ABCC9: variants seen among roughly 807,000 people sequenced by gnomAD.
ABCC9 encodes ATP binding cassette subfamily C member 9, also known as ATP-binding cassette sub-family C member 9.
ABCC9 carries 95 observed loss-of-function variants against 188.3 expected under a neutral mutation model. That is an observed-to-expected ratio of 0.50 (90% confidence interval 0.43 to 0.60). ABCC9 has a LOEUF of 0.60. Ranked by LOEUF, ABCC9 falls within the 20% of genes least tolerant of loss-of-function variation. The pLI is 0.00. For missense variants in ABCC9, 1,102 were observed against 1,876.3 expected, an observed-to-expected ratio of 0.59 and a Z score of 7.62; for synonymous variants, 659 against 652.7, an observed-to-expected ratio of 1.01 and a Z score of -0.15.
chr12:21,923,892 GA>G, intron 5 of ABCC9: 2 of 688,278 alleles, frequency 2.9e-6, no homozygotes, highest in Non-Finnish European at 5.3e-6. Flanking sequence ...ACAAGGGATT[GA>G]AAAAACTATG....
At position 21,887,862 on chromosome 12, in the gene ABCC9, C is replaced by T. The variant is rs727502873; in HGVS notation, c.1875G>A (p.Ser625=). The change falls in exon 15 of 40, where the codon TCG becomes TCA. Residue 625 remains serine, a synonymous_variant. Coordinates refer to ENST00000261200, the MANE Select transcript of ABCC9 (RefSeq NM_020297.4). The stretch of plus-strand genomic sequence containing the variant: ...GCTTCTTACAGGACTCAAAAGGAAG[C>T]GAACTTTCACCAGTTCGCCAACTGT... The part of the protein sequence containing the change: ...GDDSWRTGES[S]LPFESCKKHT... 62 of 1,613,258 alleles carry T rather than the reference C, an allele frequency of 3.8e-5. No individual in the cohort carries two copies. The highest frequency in any genetic ancestry group is 1.6e-4 in the Middle Eastern group (1 of 6,080).
At position 21,926,045 on chromosome 12, in the gene ABCC9, G is replaced by A. The variant is rs1202016561; in HGVS notation, c.303C>T (p.His101=). The A allele has an allele frequency of 5.0e-6, 8 of 1,614,078 alleles. No homozygotes were observed. The highest frequency in any genetic ancestry group is 6.8e-6 in the Non-Finnish European group (8 of 1,179,992). Residue 101 remains histidine, a synonymous_variant, in exon 5 of 40, where the codon CAC becomes CAT. Coordinates refer to ENST00000261200, the MANE Select transcript of ABCC9 (RefSeq NM_020297.4). ...TCACGGCTGGCATAAAGAGGTGGAG[G>A]TGCCTTGATTCCCGCCGCCTAGAAA... ...IVSDSRRESR[H]LHLFMPAVMG... is the part of the protein sequence containing the mutation.
chr12:21,803,680 G>GA (rs1941645252), intron 39 of ABCC9, among the ~76,000 whole-genome samples: 1 of 144,386 alleles, frequency 6.9e-6, no homozygotes, highest in Non-Finnish European at 1.5e-5. Context: ...AAAAAACATT[G>GA]AAAAATCTTG....
At position 21,806,119 on chromosome 12, in the gene ABCC9, C is replaced by T. The variant is rs138893636; in HGVS notation, c.4450-59G>A. Reference sequence around the variant, plus strand: ...ATTACTTTGTCATCATAATATTTTGCCCCAAGAACAATCAATATTCCACTG... The same window carrying T: ...ATTACTTTGTCATCATAATATTTTGTCCCAAGAACAATCAATATTCCACTG... On this transcript the variant is annotated intron_variant, in intron 38 of 39. Transcript: ENST00000261200. 1.5e-4 allele frequency: 228 copies of T among 1,487,760 alleles called. 2 individuals are homozygous for T. In the African/African-American group the frequency reaches 2.9e-3, roughly 19 times the overall value. The allele number at this position is 1,487,760 out of a possible 1,614,324, so 92.2% of individuals were successfully genotyped here. A position where few individuals can be genotyped will look rare whatever the true frequency, so the allele number is the denominator to read the frequency against.
intron 27 of ABCC9, 39 bp from the exon 28 acceptor site, chr12:21,844,591 A>C: frequency 6.3e-7 from 1 of 1,594,574 alleles, no homozygotes; most frequent in Non-Finnish European, 8.6e-7. Flanking sequence ...ATAATACTAA[A>C]CTATTTGGAA....
intron 18 of ABCC9, 123 bp from the exon 19 acceptor site, chr12:21,864,600 T>C (rs1156417786): frequency 1.4e-6 from 1 of 709,302 alleles, no homozygotes; most frequent in East Asian, 2.5e-5. Context: ...TCCCAAATGG[T>C]TTCTGATATT....
At chr12:21,821,450 GA>G (rs1322116238) in intron 31 of ABCC9, among the ~76,000 whole-genome samples, 1 of 151,748 alleles carries the variant, frequency 6.6e-6, no homozygotes, top group African/African-American at 2.4e-5. Context: ...TTAATTGTGG[GA>G]AAAAAACTCA....
At chr12:21,872,542 T>TA in intron 18 of ABCC9, 83 bp downstream of exon 18, 1 of 1,107,712 alleles carries the variant, frequency 9.0e-7, no homozygotes, top group Non-Finnish European at 1.4e-6. Context: ...TCAGAACATG[T>TA]AAATGTATTT....
intron 3 of ABCC9, among the ~76,000 whole-genome samples, chr12:21,935,497 T>C (rs1258675039): frequency 6.6e-6 from 1 of 152,122 alleles, no homozygotes; most frequent in Non-Finnish European, 1.5e-5. Flanking sequence ...TAAATAAAAG[T>C]GTATGAATGA....
intron 25 of ABCC9, among the ~76,000 whole-genome samples, chr12:21,846,445 C>A (rs1944675312): frequency 6.6e-6 from 1 of 152,174 alleles, no homozygotes; most frequent in Admixed American, 6.5e-5. Flanking sequence ...TTGATCATTT[C>A]TATGGTCCAG....
At chr12:21,818,365 G>T in intron 31 of ABCC9, 114 bp from the exon 32 acceptor site, 1 of 824,314 alleles carries the variant, frequency 1.2e-6, no homozygotes. Context: ...TGTGTGTCCT[G>T]TTAAGTTTCA....
chr12:21,838,576 C>A (rs906445972), intron 29 of ABCC9, among the ~76,000 whole-genome samples: 4 of 152,158 alleles, frequency 2.6e-5, no homozygotes, highest in African/African-American at 9.7e-5. Context: ...CAAGAACAAG[C>A]ACCGGTGTCT....
Position 21,800,965 on chromosome 12 carries a change from A to G in ABCC9, c.*79T>C. 1 of 1,557,188 alleles carries G rather than the reference A, an allele frequency of 6.4e-7. No homozygotes were observed. The highest frequency in any genetic ancestry group is 8.8e-7 in the Non-Finnish European group (1 of 1,135,936). ...TGTAAAAGTTTTAAGATGCCACTTTACAGAGGTCAAGCTGATGATCCATTA... is the reference window on the plus strand; with the variant it reads ...TGTAAAAGTTTTAAGATGCCACTTTGCAGAGGTCAAGCTGATGATCCATTA... On this transcript the variant is annotated 3_prime_UTR_variant, in exon 40 of 40. Coordinates refer to ENST00000261200, the MANE Select transcript of ABCC9 (RefSeq NM_020297.4).
intron 5 of ABCC9, among the ~76,000 whole-genome samples, chr12:21,919,266 TAAAATTGATAAGTCCCTAGCTAGAC>T (rs2137946866): frequency 1.3e-5 from 2 of 151,908 alleles, no homozygotes; most frequent in South Asian, 2.1e-4. Flanking sequence ...AAAAGACTAA[TAAAATTGATAAGTCCCTAGCTAGAC>T]AGTTCAAGAA....
chr12:21,925,907 C>G (rs1208159815), intron 5 of ABCC9, 35 bp downstream of exon 5: 2 of 1,595,178 alleles, frequency 1.3e-6, no homozygotes, highest in Non-Finnish European at 1.7e-6. Context: ...ACAAATATCT[C>G]TTTAAGGAGA....
intron 20 of ABCC9, among the ~76,000 whole-genome samples, chr12:21,861,586 T>C (rs940568443): frequency 2.0e-5 from 3 of 152,080 alleles, no homozygotes; most frequent in Admixed American, 2.0e-4. Flanking sequence ...TACAAAAATA[T>C]ACGATGAAAG....
intron 24 of ABCC9, among the ~76,000 whole-genome samples, chr12:21,850,632 A>G (rs1944915408): frequency 6.6e-6 from 1 of 152,192 alleles, no homozygotes; most frequent in East Asian, 1.9e-4. Flanking sequence ...TGGCTTGCTT[A>G]ACAGTGTTAC....
At position 21,810,816 on chromosome 12, in the gene ABCC9, A is replaced by G. The variant is rs190320392; in HGVS notation, c.4212-861T>C. On this transcript the variant is annotated intron_variant, in intron 36 of 39. Transcript: ENST00000261200. ...TATTGCTAAATTACTTGACACATCC[A>G]GAAGTTTTAAAGTAGTTTTACAACT... 3.8e-4 allele frequency among the ~76,000 whole-genome samples: 58 copies of G among 152,332 alleles called. 1 individual carries two copies. The highest frequency in any genetic ancestry group is 1.3e-3 in the African/African-American group (53 of 41,576).
chr12:21,938,021 T>C (rs1430665071), intron 2 of ABCC9: 1 of 152,212 alleles, frequency 6.6e-6, no homozygotes, highest in Admixed American at 6.5e-5. Flanking sequence ...ATAGTACCTT[T>C]TCTTTCTTTC....
Sources: gnomAD v4.1 joint callset for allele counts (sites outside exome capture counted in the v4.1 genomes callset) on GRCh38, gnomAD v4.1.1 for gene constraint, MANE v1.5 for transcripts, NCBI Gene and HGNC (gene_info 2026-07-23, HGNC 2026-07-21) for gene names.